The following ADGRL3 variants were observed in gnomAD, a reference collection of about 807,000 sequenced individuals.
The protein encoded by ADGRL3 is adhesion G protein-coupled receptor L3, also known as calcium-independent alpha-latrotoxin receptor 3.
In ADGRL3, 62 loss-of-function variants were observed where a neutral mutation model predicts 153.5. The ratio of observed to expected loss-of-function variants is 0.40; its 90% confidence interval spans 0.33 to 0.50. The LOEUF (loss-of-function observed/expected upper bound fraction) is 0.50, where lower values mean the gene tolerates loss of function less well. Ranked by LOEUF, ADGRL3 falls within the 20% of genes least tolerant of loss-of-function variation. ADGRL3 has a pLI of 0.47. For missense variants in ADGRL3, 1,641 were observed against 1,859.4 expected (o/e 0.88, Z 2.16); for synonymous variants, 710 against 672.5 (o/e 1.06, Z -0.86).
intron 1 of ADGRL3, among the ~76,000 whole-genome samples, chr4:61,368,601 T>A (rs1421435141): frequency 6.6e-6 from 1 of 151,876 alleles, no homozygotes; most frequent in East Asian, 1.9e-4. Flanking sequence ...TCTGTTTTGG[T>A]ACCAGTACCA....
chr4:61,666,649 T>G (rs2094807353), intron 5 of ADGRL3, among the ~76,000 whole-genome samples: 1 of 152,044 alleles, frequency 6.6e-6, no homozygotes, highest in African/African-American at 2.4e-5. Context: ...TGTTTTAACT[T>G]AAGAGAAATA....
intron 19 of ADGRL3, among the ~76,000 whole-genome samples, chr4:61,985,283 AC>A (rs1465315773): frequency 6.6e-6 from 1 of 151,892 alleles, no homozygotes; most frequent in Non-Finnish European, 1.5e-5. Flanking sequence ...TTGTAAAATG[AC>A]CTCACTTTTT....
Position 62,068,662 on chromosome 4 carries a change from T to C in ADGRL3, c.3832+479T>C, listed in dbSNP as rs138507044. The stretch of plus-strand genomic sequence containing the variant: ...ATCATAGCAGCTTCTGCAAAAGCTA[T>C]CACCCATCACATACAGCCCTTTAAG... On this transcript the variant is annotated intron_variant, in intron 26 of 26. Transcript: ENST00000683033. 4.5e-3 allele frequency among the ~76,000 whole-genome samples: 691 copies of C among 152,266 alleles called. 9 individuals carry two copies. The highest frequency in any genetic ancestry group is 0.034 in the Middle Eastern group (10 of 294).
chr4:61,836,260 A>T (rs2097933557), intron 9 of ADGRL3, among the ~76,000 whole-genome samples: 1 of 152,136 alleles, frequency 6.6e-6, no homozygotes, highest in African/African-American at 2.4e-5. Context: ...ACATTCTATG[A>T]TTTCTGAGAA....
intron 19 of ADGRL3, among the ~76,000 whole-genome samples, chr4:61,996,019 T>A (rs979676033): frequency 2.1e-4 from 32 of 151,950 alleles, no homozygotes; most frequent in African/African-American, 4.3e-4. Flanking sequence ...TTTTTTTTTT[T>A]AAAAGTTTCT....
At chr4:61,418,453 A>ACCC in intron 2 of ADGRL3, among the ~76,000 whole-genome samples, 3 of 142,854 alleles carry the variant, frequency 2.1e-5, no homozygotes, top group East Asian at 3.1e-4. Flanking sequence ...AAATTTAGAT[A>ACCC]AAATTTTGTT....
At chr4:61,780,814 A>G (rs2097205012) in intron 8 of ADGRL3, among the ~76,000 whole-genome samples, 1 of 152,182 alleles carries the variant, frequency 6.6e-6, no homozygotes, top group Non-Finnish European at 1.5e-5. Context: ...GTAGGGAACC[A>G]GAGATCTTGC....
rs1277521158 is a variant in ADGRL3 at position 61,934,931 on chromosome 4, C to T, written c.2204C>T (p.Thr735Ile). The T allele has an allele frequency of 6.2e-7, 1 of 1,613,818 alleles. No individual in the cohort carries two copies. Among genetic ancestry groups the T allele is most frequent in the Non-Finnish European group, 8.5e-7 (1 of 1,179,818 alleles). ...LTTSDQLRAA[T>I]MLLHTVEESA... is the part of the protein sequence containing the mutation. ...ACGAGTGATCAGCTGCGTGCGGCCA[C>T]CATGTTGCTTCATACTGTGGAGGAA... is the stretch of plus-strand genomic sequence containing the variant. The change falls in exon 14 of 27, where the codon ACC (threonine) becomes ATC (isoleucine). Residue 735 changes from threonine (T) to isoleucine (I), a missense_variant. This residue lies in a region of ADGRL3 where 734 missense variants were observed against 797.0 expected (regional missense o/e 0.92). Coordinates refer to ENST00000683033, the MANE Select transcript of ADGRL3 (RefSeq NM_001387552.1).
At chr4:61,255,230 C>T (rs2091846906) in intron 1 of ADGRL3, among the ~76,000 whole-genome samples, 1 of 152,178 alleles carries the variant, frequency 6.6e-6, no homozygotes, top group Non-Finnish European at 1.5e-5. Flanking sequence ...AGAAAGTTCT[C>T]AAGAGCTGCT....
chr4:61,806,772 T>A (rs2097557359), intron 8 of ADGRL3, among the ~76,000 whole-genome samples: 1 of 152,118 alleles, frequency 6.6e-6, no homozygotes, highest in African/African-American at 2.4e-5. Context: ...ATAAATAAAA[T>A]GTCACAGAAA....
In ADGRL3 at chr4:61,318,809, T is replaced by A. The variant is rs186840953; in HGVS notation, c.-239-64315T>A. On this transcript the variant is annotated intron_variant, in intron 1 of 26. Coordinates refer to ENST00000683033, the MANE Select transcript of ADGRL3 (RefSeq NM_001387552.1). Reference sequence around the variant, plus strand: ...AAATGAAAACTTCAGTTCAATTTTCTATGATTTTTCCTTAGCAAATTTAAT... The same window carrying A: ...AAATGAAAACTTCAGTTCAATTTTCAATGATTTTTCCTTAGCAAATTTAAT... 5.6e-4 allele frequency among the ~76,000 whole-genome samples: 86 copies of A among 152,348 alleles called. 1 individual carries two copies. Among genetic ancestry groups the A allele is most frequent in the East Asian group, 4.4e-3 (23 of 5,190 alleles).
chr4:61,562,904 C>T (rs2098801026), intron 4 of ADGRL3, among the ~76,000 whole-genome samples: 1 of 146,548 alleles, frequency 6.8e-6, no homozygotes, highest in South Asian at 2.1e-4. Context: ...ATGATTGCAC[C>T]ATTGCACTCC....
chr4:61,626,192 T>G (rs1353040258), intron 5 of ADGRL3, among the ~76,000 whole-genome samples: 1 of 152,100 alleles, frequency 6.6e-6, no homozygotes, highest in African/African-American at 2.4e-5. Flanking sequence ...TATTCCTGTA[T>G]AGTGATTAAA....
Position 61,946,846 on chromosome 4 carries a change from T to TCTATC in ADGRL3, c.2420-67_2420-63dup, listed in dbSNP as rs139647475. 5.4e-3 allele frequency: 6,485 copies of TCTATC among 1,190,102 alleles called. 273 individuals carry two copies. The African/African-American group carries it at 0.087, about 16-fold the overall frequency. The allele number at this position is 1,190,102 out of a possible 1,614,324, so 73.7% of individuals were successfully genotyped here. On this transcript the variant is annotated intron_variant, in intron 15 of 26. Coordinates refer to ENST00000683033, the MANE Select transcript of ADGRL3 (RefSeq NM_001387552.1). ...AATACATACTACATGGATTTAATTT[T>TCTATC]CTATCTCATTAGTACTAACTAATTT...
chr4:61,230,068 G>A (rs1435744479), intron 1 of ADGRL3, among the ~76,000 whole-genome samples: 1 of 152,102 alleles, frequency 6.6e-6, no homozygotes, highest in Admixed American at 6.6e-5. Flanking sequence ...TCTTTCATCA[G>A]TATAATGTTA....
At chr4:61,670,589 T>TAAAC (rs2094957138) in intron 5 of ADGRL3, among the ~76,000 whole-genome samples, 1 of 152,062 alleles carries the variant, frequency 6.6e-6, no homozygotes, top group Admixed American at 6.6e-5. Flanking sequence ...ATAAGGCATG[T>TAAAC]AAACACCAGA....
intron 6 of ADGRL3, among the ~76,000 whole-genome samples, chr4:61,726,216 T>TTTTTTTTTTTTTTTTTTTTTTTTTTGTA (rs1384390790): frequency 6.7e-6 from 1 of 148,840 alleles, no homozygotes. Flanking sequence ...TTTTGTTTTT[T>TTTTTTTTTTTTTTTTTTTTTTTTTTGTA]GAGAAGGAGT....
intron 25 of ADGRL3, among the ~76,000 whole-genome samples, chr4:62,053,463 C>T (rs12507275): frequency 0.25 from 38,514 of 151,274 alleles, 5,403 homozygotes; most frequent in African/African-American, 0.35. Flanking sequence ...TTTGTCATAA[C>T]AAGGAATGTG....
chr4:61,888,029 A>G (rs1054009072), intron 9 of ADGRL3, among the ~76,000 whole-genome samples: 75 of 152,340 alleles, frequency 4.9e-4, no homozygotes, highest in African/African-American at 1.7e-3. Flanking sequence ...ATTCTAAGAA[A>G]GAAACGAGTT....
Sources: allele counts gnomAD v4.1 joint callset (sites outside exome capture counted in the v4.1 genomes callset), GRCh38; gene constraint gnomAD v4.1.1; regional missense constraint gnomAD v4.1.1; transcripts MANE v1.5; gene names NCBI Gene and HGNC (gene_info 2026-07-23, HGNC 2026-07-21).